EP300: variants seen among roughly 807,000 people sequenced by gnomAD.
The protein encoded by EP300 is EP300 lysine acetyltransferase, also known as histone acetyltransferase p300.
EP300 carries 31 observed loss-of-function variants against 264.0 expected under a neutral mutation model. That is an observed-to-expected ratio of 0.12 (90% CI 0.09 to 0.16). EP300 has a LOEUF of 0.16. Among genes scored for constraint, EP300 ranks in the 10% least tolerant of loss-of-function variants. The pLI, the probability that EP300 is intolerant of heterozygous loss-of-function variation, is 1.00. For synonymous variants in EP300, 1,340 were observed against 1,045.4 expected, an observed-to-expected ratio of 1.28 and a Z score of -5.44; for missense variants, 2,766 against 3,052.9, an observed-to-expected ratio of 0.91 and a Z score of 2.21.
At chr22:41,157,700 T>C (rs1195424606) in intron 18 of EP300, among the ~76,000 whole-genome samples, 1 of 151,668 alleles carries the variant, frequency 6.6e-6, no homozygotes, top group Non-Finnish European at 1.5e-5. Context: ...TAAATTTGTT[T>C]TGTAGAAACA....
At position 41,129,970 on chromosome 22, in the gene EP300, C is replaced by G. The variant is rs755604535; in HGVS notation, c.1249C>G (p.Leu417Val). 1.2e-6 allele frequency: 2 copies of G among 1,613,618 alleles called. No homozygotes were observed. Among genetic ancestry groups the G allele is most frequent in the African/African-American group, 1.3e-5 (1 of 74,886 alleles). The change falls in exon 5 of 31, where the codon CTC (leucine) becomes GTC (valine). Residue 417 changes from leucine to valine, a missense_variant. Transcript: ENST00000263253. ...ACATGATTGTCCTGTGTGTCTCCCC[C>G]TCAAAAATGCTGGTGATAAGAGAAA... ...TRHDCPVCLPLKNAGDKRNQQ... is the reference protein window; with the variant it reads ...TRHDCPVCLPVKNAGDKRNQQ...
Position 41,176,905 on chromosome 22 carries a change from C to T in EP300, c.5194C>T (p.Arg1732Cys), listed in dbSNP as rs2145515142. The T allele has an allele frequency of 3.1e-6, 5 of 1,614,142 alleles. No homozygotes were observed. The highest frequency in any genetic ancestry group is 1.3e-5 in the African/African-American group (1 of 75,034). The change falls in exon 31 of 31, where the codon CGC becomes TGC. Residue 1732 changes from arginine to cysteine, a missense_variant. Transcript: ENST00000263253. The part of the protein sequence containing the change: ...AATQSPGDSR[R>C]LSIQRCIQSL... Reference sequence around the variant, plus strand: ...CACCCAGAGCCCAGGCGATTCTCGCCGCCTGAGTATCCAGCGCTGCATCCA... The same window carrying T: ...CACCCAGAGCCCAGGCGATTCTCGCTGCCTGAGTATCCAGCGCTGCATCCA...
chr22:41,156,463 G>A (rs925582408), intron 17 of EP300, among the ~76,000 whole-genome samples: 46 of 152,178 alleles, frequency 3.0e-4, no homozygotes, highest in African/African-American at 1.1e-3. Context: ...GCTAACGCCT[G>A]TAATCCCAAC....
At position 41,162,424 on chromosome 22, in the gene EP300, T is replaced by TA. The variant is rs1569113148; in HGVS notation, c.3672-298dup. On this transcript the variant is annotated intron_variant, in intron 20 of 30. Coordinates refer to ENST00000263253, the MANE Select transcript of EP300 (RefSeq NM_001429.4). Reference sequence around the variant, plus strand: ...TGGGTTTCAGGATGGGAAGCCATGATACCTAACACCAAGAATAGTAACAGA... The same window carrying TA: ...TGGGTTTCAGGATGGGAAGCCATGATAACCTAACACCAAGAATAGTAACAGA... Among the ~76,000 whole-genome samples the TA allele has an allele frequency of 2.0e-5, 3 of 152,282 alleles. 1 individual carries two copies. Among genetic ancestry groups the TA allele is most frequent in the East Asian group, 1.9e-4 (1 of 5,182 alleles).
In EP300 at chr22:41,149,794, T is replaced by C; in HGVS notation, c.2413T>C (p.Ser805Pro). ...GTCTAGTTCTTCCTGCCCGGTGAAC[T>C]CTCCTATAATGCCTCCAGGGTCTCA... ...QMSSSSCPVN[S>P]PIMPPGSQGS... The change falls in exon 14 of 31, where the codon TCT (serine) becomes CCT (proline). Residue 805 changes from serine (S) to proline (P), a missense_variant. By Grantham distance (74) the Ser-to-Pro change is moderately conservative. Coordinates refer to ENST00000263253, the MANE Select transcript of EP300 (RefSeq NM_001429.4). 2.5e-6 allele frequency: 4 copies of C among 1,614,090 alleles called. No homozygotes were observed. Among genetic ancestry groups the C allele is most frequent in the Non-Finnish European group, 3.4e-6 (4 of 1,180,006 alleles).
In EP300 at chr22:41,125,774, CTT is replaced by C; in HGVS notation, c.730-88_730-87del. The C allele has an allele frequency of 3.6e-6, 5 of 1,389,342 alleles. No individual in the cohort carries two copies. In the South Asian group the frequency reaches 6.2e-5, roughly 17 times the overall value. 86.1% of individuals were successfully genotyped at this position (1,389,342 alleles called of 1,614,324 possible). A position where few individuals can be genotyped will look rare whatever the true frequency, so the allele number is the denominator to read the frequency against. ...AGCTGAGAATTTCCTTTGAAACTGT[CTT>C]TGTGAACTTGGAAGTGAAATCAGAA... On this transcript the variant is annotated intron_variant, in intron 2 of 30. Coordinates refer to ENST00000263253, the MANE Select transcript of EP300 (RefSeq NM_001429.4).
intron 10 of EP300, 121 bp downstream of exon 10, chr22:41,141,343 C>G: frequency 9.0e-7 from 1 of 1,115,484 alleles, no homozygotes; most frequent in Non-Finnish European, 1.3e-6. Flanking sequence ...TAACCATTTG[C>G]CTTTGCAAAG....
chr22:41,160,125 A>G (rs2145751519), intron 19 of EP300: 2 of 161,712 alleles, frequency 1.2e-5, no homozygotes, highest in Admixed American at 5.9e-5. Flanking sequence ...TCCCTGGTAT[A>G]TTTATCCTTC....
intron 1 of EP300, 121 bp from the exon 2 acceptor site, chr22:41,117,066 A>T: frequency 1.1e-6 from 1 of 912,756 alleles, no homozygotes; most frequent in Non-Finnish European, 1.7e-6. Context: ...GTCTCAAATA[A>T]ATAGAAAAAC....
chr22:41,119,635 G>A (rs1364987791), intron 2 of EP300, among the ~76,000 whole-genome samples: 3 of 152,002 alleles, frequency 2.0e-5, no homozygotes, highest in Non-Finnish European at 4.4e-5. Flanking sequence ...GAAAAATAAG[G>A]AAAGGCTCAT....
chr22:41,156,367 CTT>C (rs1275295665), intron 17 of EP300, among the ~76,000 whole-genome samples: 2 of 152,130 alleles, frequency 1.3e-5, no homozygotes, highest in South Asian at 4.1e-4. Flanking sequence ...CCGTGGTTAG[CTT>C]TGTTTTTAAA....
intron 1 of EP300, among the ~76,000 whole-genome samples, chr22:41,093,306 T>G (rs1406960291): frequency 1.3e-5 from 2 of 152,210 alleles, no homozygotes; most frequent in Non-Finnish European, 2.9e-5. Flanking sequence ...CACTATGTCA[T>G]ATCGGTGTGT....
At chr22:41,095,717 T>G (rs2058698618) in intron 1 of EP300, among the ~76,000 whole-genome samples, 2 of 152,130 alleles carry the variant, frequency 1.3e-5, no homozygotes. Flanking sequence ...ATATTATGGT[T>G]TTTGTCTAGA....
intron 20 of EP300, 30 bp from the exon 21 acceptor site, chr22:41,162,693 T>C (rs200401880): frequency 1.8e-5 from 28 of 1,575,830 alleles, no homozygotes; most frequent in African/African-American, 4.0e-5. Flanking sequence ...TCTATCACTT[T>C]TTCTCATTGT....
intron 7 of EP300, 43 bp downstream of exon 7, chr22:41,135,949 A>G: frequency 1.5e-6 from 2 of 1,379,166 alleles, no homozygotes. Context: ...CATTACAAAT[A>G]CTACTGGTTA....
chr22:41,123,476 C>T (rs2058863583), intron 2 of EP300, among the ~76,000 whole-genome samples: 1 of 152,140 alleles, frequency 6.6e-6, no homozygotes, highest in Admixed American at 6.5e-5. Context: ...ACCTGTTGTC[C>T]ACAGTCTGTA....
rs1349587000 is a variant in EP300 at position 41,178,224 on chromosome 22, C to G, written c.6513C>G (p.Asn2171Lys). 3.1e-6 allele frequency: 5 copies of G among 1,613,938 alleles called. No individual in the cohort carries two copies. In the Admixed American group the frequency reaches 5.0e-5, roughly 16 times the overall value. Reference sequence around the variant, plus strand: ...CCCAGGCTCAGCAGATGAACATGAACCACAACACCATGCCTTCACAATTCC... The same window carrying G: ...CCCAGGCTCAGCAGATGAACATGAAGCACAACACCATGCCTTCACAATTCC... Reference protein sequence around the residue: ...MSPQAQQMNMNHNTMPSQFRD... With the variant: ...MSPQAQQMNMKHNTMPSQFRD... The change falls in exon 31 of 31, where the codon AAC (asparagine) becomes AAG (lysine). Residue 2171 changes from asparagine (N) to lysine (K), a missense_variant. By Grantham distance (94) the Asn-to-Lys change is moderately conservative. Coordinates refer to ENST00000263253, the MANE Select transcript of EP300 (RefSeq NM_001429.4).
Position 41,117,615 on chromosome 22 carries a change from C to T in EP300, c.523C>T (p.Pro175Ser). The change falls in exon 2 of 31, where the codon CCT (proline) becomes TCT (serine). Residue 175 changes from proline (P) to serine (S), a missense_variant. Transcript: ENST00000263253. Reference protein sequence around the residue: ...MNTGMNAGMNPGMLAAGNGQG... With the variant: ...MNTGMNAGMNSGMLAAGNGQG... The stretch of plus-strand genomic sequence containing the variant: ...CACAGGGATGAATGCGGGCATGAAT[C>T]CTGGAATGTTGGCTGCAGGCAATGG... 6.2e-7 allele frequency: 1 copy of T among 1,614,190 alleles called. No individual in the cohort carries two copies.
rs1218741305 is a variant in EP300, at chr22:41,127,451, G to T, written c.907-36G>T. The T allele has an allele frequency of 3.7e-6, 6 of 1,612,394 alleles. No individual in the cohort carries two copies. The South Asian group carries it at 4.4e-5, about 12-fold the overall frequency. On this transcript the variant is annotated intron_variant, in intron 3 of 30. Transcript: ENST00000263253. ...TATTTATTAAGAAATAGCACATTAT[G>T]ACTCCTACCATTAAATATATTGTTA...
Sources: gnomAD v4.1 joint callset for allele counts (sites outside exome capture counted in the v4.1 genomes callset) on GRCh38, gnomAD v4.1.1 for gene constraint, MANE v1.5 for transcripts, NCBI Gene and HGNC (gene_info 2026-07-23, HGNC 2026-07-21) for gene names.